Variants in PPP2R3A observed in about 807,000 individuals in gnomAD.
PPP2R3A encodes protein phosphatase 2 regulatory subunit B''alpha.
Under a neutral mutation model 106.9 loss-of-function variants are expected in PPP2R3A, and 80 were observed. That is an observed-to-expected ratio of 0.75 (90% CI 0.62 to 0.90). The LOEUF is 0.90. Ranked by LOEUF, PPP2R3A falls within the 40% of genes least tolerant of loss-of-function variation. The probability of loss-of-function intolerance (pLI) is 0.00; values close to 1 mark genes in which losing one functional copy is unlikely to be tolerated. For missense variants in PPP2R3A, 1,386 were observed against 1,350.4 expected, an observed-to-expected ratio of 1.03 and a Z score of -0.41; for synonymous variants, 483 against 468.3, an observed-to-expected ratio of 1.03 and a Z score of -0.41.
chr3:135,974,946 G>A (rs1056328421), intron 1 of PPP2R3A, among the ~76,000 whole-genome samples: 4 of 152,164 alleles, frequency 2.6e-5, no homozygotes, highest in African/African-American at 4.8e-5. Flanking sequence ...TTTGTAGATC[G>A]TAGGCATATT....
intron 4 of PPP2R3A, among the ~76,000 whole-genome samples, chr3:136,041,724 A>C (rs1364176651): frequency 6.6e-6 from 1 of 152,234 alleles, no homozygotes; most frequent in Non-Finnish European, 1.5e-5. Context: ...ACTGAATTCT[A>C]ATAGATTTTA....
At position 136,146,150 on chromosome 3, in the gene PPP2R3A, CAG is replaced by C. The variant is rs1349375238; in HGVS notation, c.*985_*986del. 1 of 152,108 alleles carries C rather than the reference CAG, an allele frequency of 6.6e-6. No individual in the cohort carries two copies. The highest frequency in any genetic ancestry group is 2.4e-5 in the African/African-American group (1 of 41,414). 9.4% of individuals were successfully genotyped at this position (152,108 alleles called of 1,614,324 possible). ...ATTACTACAGATATTTCATCCACCT[CAG>C]TATTTATCAAGGAAATGGAAAATGA... On this transcript the variant is annotated 3_prime_UTR_variant, in exon 14 of 14. Coordinates refer to ENST00000264977, the MANE Select transcript of PPP2R3A (RefSeq NM_002718.5).
intron 11 of PPP2R3A, among the ~76,000 whole-genome samples, chr3:136,102,811 C>G (rs757002176): frequency 2.0e-5 from 3 of 152,016 alleles, no homozygotes; most frequent in African/African-American, 7.2e-5. Flanking sequence ...GGCAACACAG[C>G]GAGACTGTAT....
chr3:136,052,823 C>T (rs1364676331), intron 5 of PPP2R3A, among the ~76,000 whole-genome samples: 1 of 152,116 alleles, frequency 6.6e-6, no homozygotes, highest in Non-Finnish European at 1.5e-5. Context: ...TAAATAGAGA[C>T]ATTATCCTCC....
At position 136,145,725 on chromosome 3, in the gene PPP2R3A, A is replaced by G. The variant is rs919791268; in HGVS notation, c.*559A>G. ...CTTACCTGGCTTAATGTAATTTCAC[A>G]GTTACCTGCCAAACTACTAGTCACT... On this transcript the variant is annotated 3_prime_UTR_variant, in exon 14 of 14. Transcript: ENST00000264977. 1.3e-5 allele frequency: 2 copies of G among 152,630 alleles called. No homozygotes were observed. Among genetic ancestry groups the G allele is most frequent in the African/African-American group, 2.4e-5 (1 of 41,452 alleles). The allele number at this position is 152,630 out of a possible 1,614,324, so 9.5% of individuals were successfully genotyped here. A position where few individuals can be genotyped will look rare whatever the true frequency, so the allele number is the denominator to read the frequency against.
chr3:136,045,978 G>A (rs1032584714), intron 4 of PPP2R3A, among the ~76,000 whole-genome samples: 2 of 151,596 alleles, frequency 1.3e-5, no homozygotes, highest in African/African-American at 4.9e-5. Context: ...GAGCCTAGGA[G>A]TTCAAGACCA....
chr3:136,024,989 G>A (rs886836885), intron 2 of PPP2R3A, among the ~76,000 whole-genome samples: 2 of 152,118 alleles, frequency 1.3e-5, no homozygotes, highest in Non-Finnish European at 2.9e-5. Context: ...CTCAAAAGTG[G>A]TTTGTAAACT....
chr3:135,988,052 T>C (rs1932995906), intron 1 of PPP2R3A, among the ~76,000 whole-genome samples: 1 of 152,084 alleles, frequency 6.6e-6, no homozygotes, highest in South Asian at 2.1e-4. Flanking sequence ...AACTCCAGGC[T>C]CAGTTCTCTA....
chr3:136,093,585 G>T (rs575764977), intron 10 of PPP2R3A, among the ~76,000 whole-genome samples: 37 of 152,166 alleles, frequency 2.4e-4, no homozygotes, highest in Non-Finnish European at 4.0e-4. Flanking sequence ...TTAAAAAATG[G>T]ACAAAGGATC....
chr3:136,119,818 G>C (rs1410437465), intron 13 of PPP2R3A, among the ~76,000 whole-genome samples: 1 of 152,188 alleles, frequency 6.6e-6, no homozygotes, highest in Non-Finnish European at 1.5e-5. Context: ...CAAGGATCTA[G>C]AACTAGAAAT....
intron 2 of PPP2R3A, among the ~76,000 whole-genome samples, chr3:136,016,855 T>A (rs182543203): frequency 6.6e-6 from 1 of 152,272 alleles, no homozygotes; most frequent in Non-Finnish European, 1.5e-5. Flanking sequence ...ATTCATCATA[T>A]TAGTTGTTGC....
chr3:136,132,987 A>G (rs966641713), intron 13 of PPP2R3A, among the ~76,000 whole-genome samples: 6 of 152,164 alleles, frequency 3.9e-5, no homozygotes, highest in Non-Finnish European at 5.9e-5. Context: ...ATAATTGGAT[A>G]TCCATGTGCC....
At chr3:136,093,274 C>T (rs530740873) in intron 10 of PPP2R3A, among the ~76,000 whole-genome samples, 7 of 152,046 alleles carry the variant, frequency 4.6e-5, no homozygotes, top group East Asian at 1.9e-4. Flanking sequence ...CCAGGCACAG[C>T]GGCACGCGCC....
At chr3:136,063,697 C>T (rs1209655614) in intron 5 of PPP2R3A, among the ~76,000 whole-genome samples, 2 of 151,584 alleles carry the variant, frequency 1.3e-5, no homozygotes, top group African/African-American at 4.9e-5. Context: ...CAGAGAAATG[C>T]AAATCAAAAC....
At chr3:136,077,111 G>C (rs1005917875) in intron 6 of PPP2R3A, among the ~76,000 whole-genome samples, 2 of 152,200 alleles carry the variant, frequency 1.3e-5, no homozygotes, top group African/African-American at 4.8e-5. Context: ...GAGCACAGAA[G>C]GCAGAGCTCT....
At position 136,002,699 on chromosome 3, in the gene PPP2R3A, A is replaced by G; in HGVS notation, c.1201A>G (p.Asn401Asp). The stretch of plus-strand genomic sequence containing the variant: ...GGTCCAATCACAGTCATTAACCATG[A>G]ATCCTTTAGAAAATGTTTCTTCTGA... ...VQVQSQSLTM[N>D]PLENVSSDDL... Residue 401 changes from asparagine to aspartate, a missense_variant, in exon 2 of 14, where the codon AAT becomes GAT. By Grantham distance (23) the Asn-to-Asp change is conservative (BLOSUM62 1). Coordinates refer to ENST00000264977, the MANE Select transcript of PPP2R3A (RefSeq NM_002718.5). 1 of 1,613,248 alleles carries G rather than the reference A, an allele frequency of 6.2e-7. No individual in the cohort carries two copies. Among genetic ancestry groups the G allele is most frequent in the Non-Finnish European group, 8.5e-7 (1 of 1,179,516 alleles).
intron 2 of PPP2R3A, among the ~76,000 whole-genome samples, chr3:136,013,567 C>T (rs576047888): frequency 2.6e-5 from 4 of 152,140 alleles, no homozygotes; most frequent in Non-Finnish European, 5.9e-5. Flanking sequence ...AAGGTGGTAT[C>T]GCATTGTGGT....
intron 1 of PPP2R3A, among the ~76,000 whole-genome samples, chr3:135,974,872 G>T (rs544574446): frequency 3.1e-4 from 47 of 152,350 alleles, no homozygotes; most frequent in Admixed American, 7.2e-4. Context: ...AGAGATTAGT[G>T]GTTGTGAATG....
At chr3:136,028,292 AATG>A (rs1169064846) in intron 3 of PPP2R3A, among the ~76,000 whole-genome samples, 2 of 152,212 alleles carry the variant, frequency 1.3e-5, no homozygotes, top group Non-Finnish European at 2.9e-5. Flanking sequence ...ATTGCTGTTA[AATG>A]ATATGTAACT....
Sources: allele counts gnomAD v4.1 joint callset (sites outside exome capture counted in the v4.1 genomes callset), GRCh38; gene constraint gnomAD v4.1.1; transcripts MANE v1.5; gene names NCBI Gene and HGNC (gene_info 2026-07-23, HGNC 2026-07-21).